EXOC4: variants seen among roughly 807,000 people sequenced by gnomAD.
The protein encoded by EXOC4 is exocyst complex component 4, also known as SEC8-like 1.
EXOC4 carries 71 observed loss-of-function variants against 107.2 expected under a neutral mutation model. That is an observed-to-expected ratio of 0.66 (90% CI 0.55 to 0.81). The LOEUF is 0.81. EXOC4 is among the 30% of genes least tolerant of loss of function. The probability of loss-of-function intolerance (pLI) is 0.00; values close to 1 mark genes in which losing one functional copy is unlikely to be tolerated. For missense variants in EXOC4, 1,108 were observed against 1,189.6 expected, an observed-to-expected ratio of 0.93 and a Z score of 1.01; for synonymous variants, 456 against 441.2, an observed-to-expected ratio of 1.03 and a Z score of -0.42.
In EXOC4 at chr7:133,810,085, G is replaced by GA. The variant is rs1421791295; in HGVS notation, c.1515-7238dup. On this transcript the variant is annotated intron_variant, in intron 10 of 17. Coordinates refer to ENST00000253861, the MANE Select transcript of EXOC4 (RefSeq NM_021807.4). ...CCCATTATTAGTGATGCTGGCCGTC[G>GA]AATTTTAAAAGCTTTTTAGGATATG... Among the ~76,000 whole-genome samples the GA allele has an allele frequency of 1.1e-3, 130 of 120,482 alleles. 1 individual carries two copies. The highest frequency in any genetic ancestry group is 4.3e-3 in the African/African-American group (125 of 28,934). 79.0% of individuals were successfully genotyped at this position (120,482 alleles called of 152,430 possible). A position where few individuals can be genotyped will look rare whatever the true frequency, so the allele number is the denominator to read the frequency against.
intron 7 of EXOC4, among the ~76,000 whole-genome samples, chr7:133,467,584 C>CTT (rs35955637): frequency 0.037 from 4,593 of 122,604 alleles, 108 homozygotes; most frequent in Non-Finnish European, 0.043. Flanking sequence ...ATTACAGATT[C>CTT]TTTTTTTTTT....
At chr7:133,836,110 AGCAGACAG>A (rs1797912900) in intron 11 of EXOC4, among the ~76,000 whole-genome samples, 1 of 152,234 alleles carries the variant, frequency 6.6e-6, no homozygotes, top group Admixed American at 6.5e-5. Context: ...AATATAATAT[AGCAGACAG>A]GCAATGTTTT....
chr7:133,709,320 G>T (rs1794834479), intron 10 of EXOC4, among the ~76,000 whole-genome samples: 1 of 152,204 alleles, frequency 6.6e-6, no homozygotes, highest in South Asian at 2.1e-4. Flanking sequence ...TAAAAAGGAA[G>T]CAAGACAGTT....
At chr7:133,389,595 A>ATG (rs35982893) in intron 7 of EXOC4, among the ~76,000 whole-genome samples, 76,444 of 95,920 alleles carry the variant, frequency 0.8, 32,678 homozygotes, top group South Asian at 0.92. Context: ...AAAAAAAAAA[A>ATG]GAGAGTCTTA....
chr7:133,371,914 G>T (rs1426645109), intron 6 of EXOC4, among the ~76,000 whole-genome samples: 1 of 152,046 alleles, frequency 6.6e-6, no homozygotes, highest in East Asian at 1.9e-4. Flanking sequence ...TTTTGTTTTT[G>T]ATTGTAACCA....
chr7:133,838,905 G>A (rs1462891446), intron 11 of EXOC4, among the ~76,000 whole-genome samples: 1 of 152,144 alleles, frequency 6.6e-6, no homozygotes, highest in African/African-American at 2.4e-5. Context: ...TTGGCTTGCA[G>A]GCTGTAGTTT....
chr7:133,980,153 A>G (rs1367678687), intron 14 of EXOC4, among the ~76,000 whole-genome samples: 1 of 152,172 alleles, frequency 6.6e-6, no homozygotes, highest in Non-Finnish European at 1.5e-5. Flanking sequence ...ATGATGCCTT[A>G]TTTTAAGTTC....
At chr7:133,294,763 A>G (rs1794481410) in intron 3 of EXOC4, among the ~76,000 whole-genome samples, 1 of 152,112 alleles carries the variant, frequency 6.6e-6, no homozygotes, top group Non-Finnish European at 1.5e-5. Context: ...GTTTTCTAAG[A>G]TCTTATGTAA....
intron 9 of EXOC4, among the ~76,000 whole-genome samples, chr7:133,550,350 G>T (rs1800561461): frequency 6.6e-6 from 1 of 152,092 alleles, no homozygotes; most frequent in Admixed American, 6.5e-5. Context: ...GTATTCTGTT[G>T]TATTAAATAT....
At chr7:133,519,758 A>T (rs1484968331) in intron 9 of EXOC4, among the ~76,000 whole-genome samples, 1 of 152,216 alleles carries the variant, frequency 6.6e-6, no homozygotes, top group African/African-American at 2.4e-5. Context: ...TTGTCCAGCC[A>T]GTACCGTTAG....
At chr7:133,594,969 G>C (rs1000205326) in intron 9 of EXOC4, among the ~76,000 whole-genome samples, 3 of 152,190 alleles carry the variant, frequency 2.0e-5, no homozygotes, top group African/African-American at 7.2e-5. Flanking sequence ...AATGGTCAGG[G>C]AATGCTTCCC....
chr7:133,428,057 C>T (rs1293298032), intron 7 of EXOC4, among the ~76,000 whole-genome samples: 1 of 152,310 alleles, frequency 6.6e-6, no homozygotes, highest in Middle Eastern at 3.4e-3. Flanking sequence ...GATAGGATCA[C>T]GGTAAAAGTG....
chr7:134,069,336 CCTT>C (rs1796238982), downstream of EXOC4, among the ~76,000 whole-genome samples: 1 of 130,274 alleles, frequency 7.7e-6, no homozygotes, highest in Non-Finnish European at 1.6e-5. Flanking sequence ...TCCTTCTCCT[CCTT>C]CTCCTCCTCC....
intron 9 of EXOC4, among the ~76,000 whole-genome samples, chr7:133,612,787 A>C: frequency 6.6e-6 from 1 of 152,180 alleles, no homozygotes; most frequent in East Asian, 1.9e-4. Context: ...GAAAGGATTT[A>C]CTGAGGGATT....
rs1480306837 is a variant in EXOC4, at chr7:134,019,395, A to G, written c.2687+11560A>G. Among the ~76,000 whole-genome samples the G allele has an allele frequency of 2.1e-5, 3 of 145,544 alleles. No homozygotes were observed. In the East Asian group the frequency reaches 6.5e-4, roughly 31 times the overall value. On this transcript the variant is annotated intron_variant, in intron 17 of 17. Transcript: ENST00000253861. Reference sequence around the variant, plus strand: ...TTTTTACAAACCATCCTAGAGGCCTATATTGGTGACTTTCTCTCAGTGATG... The same window carrying G: ...TTTTTACAAACCATCCTAGAGGCCTGTATTGGTGACTTTCTCTCAGTGATG...
At chr7:133,597,493 G>A (rs1249515355) in intron 9 of EXOC4, among the ~76,000 whole-genome samples, 1 of 144,118 alleles carries the variant, frequency 6.9e-6, no homozygotes, top group Non-Finnish European at 1.5e-5. Context: ...GGCGGAGATT[G>A]CGGTGAGCTG....
intron 9 of EXOC4, among the ~76,000 whole-genome samples, chr7:133,508,407 C>T (rs1057012165): frequency 3.3e-5 from 5 of 152,094 alleles, no homozygotes; most frequent in African/African-American, 1.2e-4. Flanking sequence ...CTTTGAGAAC[C>T]ACTACTCTAA....
At chr7:133,787,266 A>T (rs866767303) in intron 10 of EXOC4, among the ~76,000 whole-genome samples, 3 of 145,692 alleles carry the variant, frequency 2.1e-5, no homozygotes, top group South Asian at 2.2e-4. Context: ...TCCTGGGCTG[A>T]AGTGATCCTC....
intron 14 of EXOC4, among the ~76,000 whole-genome samples, chr7:133,942,450 G>C (rs1800452900): frequency 6.6e-6 from 1 of 151,936 alleles, no homozygotes; most frequent in African/African-American, 2.4e-5. Flanking sequence ...CATAGTTTTG[G>C]TTGCCAGAAT....
Sources: allele counts gnomAD v4.1 joint callset (sites outside exome capture counted in the v4.1 genomes callset), GRCh38; gene constraint gnomAD v4.1.1; transcripts MANE v1.5; gene names NCBI Gene and HGNC (gene_info 2026-07-23, HGNC 2026-07-21).